The following ADCY2 variants were observed in gnomAD, a reference collection of about 807,000 sequenced individuals.
ADCY2 encodes adenylate cyclase type 2.
A neutral mutation model predicts 125.2 loss-of-function variants in ADCY2; 31 were observed. That is an observed-to-expected ratio of 0.25 (90% confidence interval 0.19 to 0.33). ADCY2 has a LOEUF of 0.33. ADCY2 is among the 10% of genes least tolerant of loss of function. The probability of loss-of-function intolerance (pLI) is 1.00; values close to 1 mark genes in which losing one functional copy is unlikely to be tolerated. For synonymous variants in ADCY2, 512 were observed against 548.4 expected, an observed-to-expected ratio of 0.93 and a Z score of 0.93; for missense variants, 904 against 1,418.2, an observed-to-expected ratio of 0.64 and a Z score of 5.82.
chr5:7,766,860 C>G, intron 17 of ADCY2, 54 bp downstream of exon 17: 2 of 1,585,090 alleles, frequency 1.3e-6, no homozygotes, highest in Non-Finnish European at 1.7e-6. Flanking sequence ...TGCTCGTAGT[C>G]TGTATAACAT....
At chr5:7,474,230 T>C (rs1742439627) in intron 2 of ADCY2, among the ~76,000 whole-genome samples, 1 of 152,230 alleles carries the variant, frequency 6.6e-6, no homozygotes, top group Admixed American at 6.5e-5. Context: ...ATTAACTCAT[T>C]TGTTGAACAA....
chr5:7,513,106 C>CACACACACACACACACACACAG (rs777343291), intron 2 of ADCY2, among the ~76,000 whole-genome samples: 2,201 of 138,318 alleles, frequency 0.016, 25 homozygotes, highest in Non-Finnish European at 0.025. Context: ...CACACACACA[C>CACACACACACACACACACACAG]AGAGAGAGAG....
chr5:7,439,593 A>G (rs1048390826), intron 2 of ADCY2, among the ~76,000 whole-genome samples: 1 of 152,144 alleles, frequency 6.6e-6, no homozygotes, highest in African/African-American at 2.4e-5. Flanking sequence ...CATTATGCAT[A>G]TAGTAACCTC....
intron 3 of ADCY2, among the ~76,000 whole-genome samples, chr5:7,581,313 C>T (rs1388616558): frequency 6.6e-6 from 1 of 151,314 alleles, no homozygotes; most frequent in Non-Finnish European, 1.5e-5. Context: ...TACAAACACA[C>T]ATATATTTCA....
intron 2 of ADCY2, among the ~76,000 whole-genome samples, chr5:7,512,355 A>G (rs1002071723): frequency 6.6e-6 from 1 of 152,068 alleles, no homozygotes; most frequent in African/African-American, 2.4e-5. Context: ...CTGGTGTAAG[A>G]AAGGCTGTTT....
chr5:7,669,856 T>C (rs1739874417), intron 4 of ADCY2, among the ~76,000 whole-genome samples: 1 of 152,166 alleles, frequency 6.6e-6, no homozygotes, highest in South Asian at 2.1e-4. Flanking sequence ...AGAGACAGGA[T>C]AGATGACACG....
At chr5:7,706,236 G>A (rs1741262716) in intron 7 of ADCY2, among the ~76,000 whole-genome samples, 1 of 152,178 alleles carries the variant, frequency 6.6e-6, no homozygotes, top group African/African-American at 2.4e-5. Context: ...AAGGCTTAAT[G>A]TCATGATTAT....
intron 5 of ADCY2, chr5:7,692,125 A>G (rs558276817): frequency 2.6e-5 from 4 of 152,356 alleles, no homozygotes; most frequent in East Asian, 1.9e-4. Context: ...AGTTATCGCC[A>G]TAAGTAACCT....
At chr5:7,733,089 G>C (rs1474441633) in intron 14 of ADCY2, among the ~76,000 whole-genome samples, 2 of 152,150 alleles carry the variant, frequency 1.3e-5, no homozygotes, top group African/African-American at 4.8e-5. Flanking sequence ...TGTTTAACCA[G>C]TCATGAGGGC....
intron 9 of ADCY2, among the ~76,000 whole-genome samples, chr5:7,708,787 G>A (rs372643273): frequency 1.3e-5 from 2 of 151,978 alleles, no homozygotes; most frequent in African/African-American, 4.8e-5. Flanking sequence ...ACGGGGGAAG[G>A]CTCAAAAAAT....
intron 4 of ADCY2, among the ~76,000 whole-genome samples, chr5:7,661,551 A>G (rs1255536197): frequency 6.6e-6 from 1 of 152,264 alleles, no homozygotes; most frequent in African/African-American, 2.4e-5. Flanking sequence ...TACTTGTTAC[A>G]AAGATTGGTT....
At chr5:7,635,233 G>A (rs2126667788) in intron 4 of ADCY2, among the ~76,000 whole-genome samples, 1 of 152,236 alleles carries the variant, frequency 6.6e-6, no homozygotes, top group Non-Finnish European at 1.5e-5. Context: ...CAGTCTTAGA[G>A]GATCCTTCTA....
intron 19 of ADCY2, among the ~76,000 whole-genome samples, chr5:7,785,980 A>G (rs1014391260): frequency 1.3e-5 from 2 of 152,222 alleles, no homozygotes; most frequent in Admixed American, 6.5e-5. Context: ...AGTGTTCAAT[A>G]TTATGATTGA....
chr5:7,490,509 C>T (rs1035792685), intron 2 of ADCY2, among the ~76,000 whole-genome samples: 1 of 152,100 alleles, frequency 6.6e-6, no homozygotes, highest in African/African-American at 2.4e-5. Context: ...GGCTTTAGTA[C>T]ATACACAGAC....
chr5:7,691,590 C>G (rs4701789), intron 5 of ADCY2: 25,392 of 152,080 alleles, frequency 0.17, 2,435 homozygotes, highest in Admixed American at 0.33. Context: ...TTCTCTCCTG[C>G]CCCTGTCTCC....
At position 7,827,876 on chromosome 5, in the gene ADCY2, A is replaced by C. The variant is rs1055417643; in HGVS notation, c.*1005A>C. 1 of 152,426 alleles carries C rather than the reference A, an allele frequency of 6.6e-6. No homozygotes were observed. Among genetic ancestry groups the C allele is most frequent in the Non-Finnish European group, 1.5e-5 (1 of 68,046 alleles). 9.4% of individuals were successfully genotyped at this position (152,426 alleles called of 1,614,324 possible). A position where few individuals can be genotyped will look rare whatever the true frequency, so the allele number is the denominator to read the frequency against. ...CGTCCACTACGCTCCTGTCTCCAAGAATGTTTTGCTAGAGCTAACAGACAT... is the reference window on the plus strand; with the variant it reads ...CGTCCACTACGCTCCTGTCTCCAAGCATGTTTTGCTAGAGCTAACAGACAT... On this transcript the variant is annotated 3_prime_UTR_variant, in exon 25 of 25. Coordinates refer to ENST00000338316, the MANE Select transcript of ADCY2 (RefSeq NM_020546.3).
chr5:7,783,904 T>C (rs991402106), intron 18 of ADCY2, among the ~76,000 whole-genome samples: 1 of 152,210 alleles, frequency 6.6e-6, no homozygotes, highest in African/African-American at 2.4e-5. Flanking sequence ...TGAATAAGAT[T>C]GGATGACTGC....
intron 3 of ADCY2, among the ~76,000 whole-genome samples, chr5:7,603,901 G>T (rs1219800604): frequency 2.2e-5 from 2 of 89,434 alleles, no homozygotes; most frequent in African/African-American, 9.5e-5. Context: ...GTGCCATGCT[G>T]GTGCGCTGCA....
At chr5:7,799,138 A>G (rs904403198) in intron 20 of ADCY2, 3 of 152,258 alleles carry the variant, frequency 2.0e-5, no homozygotes, top group Admixed American at 6.5e-5. Flanking sequence ...TCTAAAGCTC[A>G]GTAATACTTT....
Sources: allele counts gnomAD v4.1 joint callset (sites outside exome capture counted in the v4.1 genomes callset), GRCh38; gene constraint gnomAD v4.1.1; transcripts MANE v1.5; gene names NCBI Gene and HGNC (gene_info 2026-07-23, HGNC 2026-07-21).